Variants in STAT5B observed in about 807,000 individuals in gnomAD.
STAT5B encodes the protein signal transducer and activator of transcription 5B, also known as transcription factor STAT5B.
STAT5B carries 21 observed loss-of-function variants against 107.8 expected under a neutral mutation model. That is an observed-to-expected ratio of 0.19 (90% CI 0.14 to 0.28). The LOEUF (loss-of-function observed/expected upper bound fraction) is 0.28. Ranked by LOEUF, STAT5B falls within the 10% of genes least tolerant of loss-of-function variation. STAT5B has a pLI of 1.00. For missense variants in STAT5B, 565 were observed against 1,008.2 expected (o/e 0.56, Z 5.95); for synonymous variants, 325 against 401.7 (o/e 0.81, Z 2.28).
chr17:42,269,936 A>G (rs1410243036), intron 1 of STAT5B: 1 of 152,212 alleles, frequency 6.6e-6, no homozygotes, highest in Non-Finnish European at 1.5e-5. Context: ...TAGGCTGGGC[A>G]TGGTGGCTTA....
Position 42,231,874 on chromosome 17 carries a change from T to C in STAT5B, c.128+126A>G, listed in dbSNP as rs575012632. On this transcript the variant is annotated intron_variant, in intron 2 of 18. Transcript: ENST00000293328. ...AAGAAAAAAAATTTTAAATACCTTTTTATGGATCACATTTAAAAATGTTTA... is the reference window on the plus strand; with the variant it reads ...AAGAAAAAAAATTTTAAATACCTTTCTATGGATCACATTTAAAAATGTTTA... 51 of 1,444,282 alleles carry C rather than the reference T, an allele frequency of 3.5e-5. No individual in the cohort carries two copies. The South Asian group carries it at 6.3e-4, about 18-fold the overall frequency. The allele number at this position is 1,444,282 out of a possible 1,614,324, so 89.5% of individuals were successfully genotyped here.
In STAT5B at chr17:42,202,494, C is replaced by A. The variant is rs1345402996; in HGVS notation, c.2130-47G>T. The stretch of plus-strand genomic sequence containing the variant: ...GCTTCAGCTGCCAGGGAGGCCAGGG[C>A]AGCTGACTTGGGGAGGGGACCAAGG... On this transcript the variant is annotated intron_variant, in intron 17 of 18. Transcript: ENST00000293328. 3 of 1,606,624 alleles carry A rather than the reference C, an allele frequency of 1.9e-6. No individual in the cohort carries two copies. The South Asian group carries it at 3.3e-5, about 18-fold the overall frequency.
At chr17:42,214,498 C>T in intron 12 of STAT5B, 23 of 985,340 alleles carry the variant, frequency 2.3e-5, no homozygotes, top group Non-Finnish European at 2.8e-5. Context: ...TCCACGTGAG[C>T]CAGAAGGTTC....
chr17:42,219,052 C>A (rs559163989), intron 7 of STAT5B, among the ~76,000 whole-genome samples, 174 bp from the exon 8 acceptor site: 15 of 152,162 alleles, frequency 9.9e-5, no homozygotes, highest in African/African-American at 3.6e-4. Flanking sequence ...ACAGGAGGGG[C>A]GACCCTGACT....
At chr17:42,255,262 T>C (rs2080533102) in intron 1 of STAT5B, among the ~76,000 whole-genome samples, 3 of 152,220 alleles carry the variant, frequency 2.0e-5, no homozygotes. Context: ...CAATTTGTTT[T>C]ATGAAACATG....
intron 13 of STAT5B, among the ~76,000 whole-genome samples, chr17:42,211,420 C>T (rs959163469): frequency 5.3e-5 from 8 of 151,912 alleles, no homozygotes; most frequent in African/African-American, 1.2e-4. Flanking sequence ...GCAGGAGAAT[C>T]GCTTGAAACC....
intron 1 of STAT5B, among the ~76,000 whole-genome samples, chr17:42,255,085 G>A (rs909536418): frequency 2.6e-5 from 4 of 151,652 alleles, no homozygotes; most frequent in Admixed American, 6.6e-5. Flanking sequence ...GCGAGACTCC[G>A]TCTAAAAAAA....
At chr17:42,251,146 C>A (rs994701902) in intron 1 of STAT5B, among the ~76,000 whole-genome samples, 1 of 152,024 alleles carries the variant, frequency 6.6e-6, no homozygotes, top group Non-Finnish European at 1.5e-5. Flanking sequence ...CAAGCACAAC[C>A]AAAGGATGCC....
chr17:42,284,296 C>T, the STAT5B span, among the ~76,000 whole-genome samples: 8 of 149,862 alleles, frequency 5.3e-5, no homozygotes, highest in South Asian at 1.0e-3. Flanking sequence ...GACGGAGTTT[C>T]GCTTTTGTTG....
intron 4 of STAT5B, among the ~76,000 whole-genome samples, chr17:42,223,828 T>C (rs16967590): frequency 0.012 from 1,806 of 152,250 alleles, 28 homozygotes; most frequent in African/African-American, 0.042. Flanking sequence ...ACGAGGTCCA[T>C]TGAATTACCT....
rs759582966 is a variant in STAT5B at position 42,217,359 on chromosome 17, C to T, written c.1257+18G>A. ...AAGACCAGGGAAAAATTCATTCTTC[C>T]TCTTCTTCCACCCTCACCATATTCC... On this transcript the variant is annotated intron_variant, in intron 10 of 18. Coordinates refer to ENST00000293328, the MANE Select transcript of STAT5B (RefSeq NM_012448.4). 2.5e-6 allele frequency: 4 copies of T among 1,614,160 alleles called. No homozygotes were observed. The highest frequency in any genetic ancestry group is 3.4e-6 in the Non-Finnish European group (4 of 1,180,024).
chr17:42,202,663 G>A, intron 17 of STAT5B, 94 bp downstream of exon 17: 6 of 1,599,306 alleles, frequency 3.8e-6, no homozygotes, highest in South Asian at 1.1e-5. Flanking sequence ...TTTCCCCGGG[G>A]GAGCGGAAAG....
At chr17:42,235,713 T>C (rs774579766) in intron 1 of STAT5B, among the ~76,000 whole-genome samples, 4 of 152,206 alleles carry the variant, frequency 2.6e-5, no homozygotes, top group Admixed American at 6.5e-5. Context: ...CCTGACCTCG[T>C]GATCTGCCCT....
intron 3 of STAT5B, among the ~76,000 whole-genome samples, chr17:42,226,546 G>C (rs1320717388): frequency 6.6e-6 from 1 of 151,922 alleles, no homozygotes; most frequent in African/African-American, 2.4e-5. Flanking sequence ...GGTGGCTCAT[G>C]CCTGTAATCC....
rs982916324 is a variant in STAT5B at position 42,217,177 on chromosome 17, G to A, written c.1363C>T (p.Leu455=). ...GGCTTTACCTTGACTTGAAAAACCA[G>A]CTCATTTCCACCAACACTGAACTGG... ...ESQFSVGGNE[L]VFQVKTLSLP... Residue 455 remains leucine, a synonymous_variant, in exon 11 of 19, where the codon CTG becomes TTG. Coordinates refer to ENST00000293328, the MANE Select transcript of STAT5B (RefSeq NM_012448.4). The A allele has an allele frequency of 6.2e-6, 10 of 1,613,186 alleles. 1 individual carries two copies. Among genetic ancestry groups the A allele is most frequent in the East Asian group, 4.5e-5 (2 of 44,824 alleles).
chr17:42,250,370 T>C (rs2080488193), intron 1 of STAT5B, among the ~76,000 whole-genome samples: 2 of 152,178 alleles, frequency 1.3e-5, no homozygotes, highest in Non-Finnish European at 2.9e-5. Context: ...TAGTTTGTTA[T>C]GTTAAATTAA....
At chr17:42,263,870 C>CGT (rs2080640911) in intron 1 of STAT5B, among the ~76,000 whole-genome samples, 1 of 72,602 alleles carries the variant, frequency 1.4e-5, no homozygotes, top group Non-Finnish European at 2.9e-5. Context: ...CTAGAAAGCG[C>CGT]GCACACACAC....
intron 5 of STAT5B, among the ~76,000 whole-genome samples, chr17:42,222,635 C>A (rs946472890): frequency 6.6e-5 from 10 of 152,140 alleles, no homozygotes; most frequent in Non-Finnish European, 1.3e-4. Flanking sequence ...CCTGGCCTCC[C>A]AAAGCACCAG....
At position 42,276,016 on chromosome 17, in the gene STAT5B, G is replaced by C. The variant is rs1400213999; in HGVS notation, c.-11+232C>G. On this transcript the variant is annotated intron_variant, in intron 1 of 18. Coordinates refer to ENST00000293328, the MANE Select transcript of STAT5B (RefSeq NM_012448.4). The surrounding 1 kb of genome is among the most constrained non-coding windows in gnomAD (Gnocchi z 4.8). ...CGCCCCCCGCGGCGCCGCGGCGTTC[G>C]CAAGTCCCCCTCGCGCACCCCGCAT... 6.6e-6 allele frequency among the ~76,000 whole-genome samples: 1 copy of C among 151,048 alleles called. No homozygotes were observed. Among genetic ancestry groups the C allele is most frequent in the Non-Finnish European group, 1.5e-5 (1 of 67,644 alleles).
Sources: allele counts gnomAD v4.1 joint callset (sites outside exome capture counted in the v4.1 genomes callset), GRCh38; gene constraint gnomAD v4.1.1; non-coding constraint Gnocchi (gnomAD v3.1); transcripts MANE v1.5; gene names NCBI Gene and HGNC (gene_info 2026-07-23, HGNC 2026-07-21).